PRICKLE2: variants seen among roughly 807,000 people sequenced by gnomAD.
PRICKLE2 encodes the protein prickle planar cell polarity protein 2.
A neutral mutation model predicts 81.4 loss-of-function variants in PRICKLE2; 21 were observed. That is an observed-to-expected ratio of 0.26 (90% CI 0.18 to 0.37). PRICKLE2 has a LOEUF of 0.37. Ranked by LOEUF, PRICKLE2 falls within the 10% of genes least tolerant of loss-of-function variation. The probability of loss-of-function intolerance (pLI) is 1.00; values close to 1 mark genes in which losing one functional copy is unlikely to be tolerated. For missense variants in PRICKLE2, 940 were observed against 1,109.0 expected (o/e 0.85, Z 2.16); for synonymous variants, 456 against 421.5 (o/e 1.08, Z -1.00).
chr3:64,105,049 G>C (rs116286948), intron 7 of PRICKLE2, among the ~76,000 whole-genome samples: 1 of 151,982 alleles, frequency 6.6e-6, no homozygotes, highest in Admixed American at 6.6e-5. Flanking sequence ...ACTCCTCCTC[G>C]CTTAACTCTG....
At chr3:64,122,855 T>C (rs993468203) in intron 7 of PRICKLE2, among the ~76,000 whole-genome samples, 3 of 152,078 alleles carry the variant, frequency 2.0e-5, no homozygotes, top group African/African-American at 7.2e-5. Flanking sequence ...TGGAAACTCT[T>C]CAGAAGGTCA....
At chr3:64,163,959 GC>G (rs1466277804) in intron 2 of PRICKLE2, 11 of 146,070 alleles carry the variant, frequency 7.5e-5, no homozygotes, top group Non-Finnish European at 1.6e-4. Flanking sequence ...AATCCCACAA[GC>G]CCAGATGACA....
intron 2 of PRICKLE2, among the ~76,000 whole-genome samples, chr3:64,171,480 T>C (rs2077930459): frequency 6.6e-6 from 1 of 152,242 alleles, no homozygotes; most frequent in Non-Finnish European, 1.5e-5. Flanking sequence ...ATCTGCTTTT[T>C]GTCAAAGAAC....
intron 7 of PRICKLE2, among the ~76,000 whole-genome samples, chr3:64,142,136 G>C (rs985320051): frequency 6.6e-6 from 1 of 152,096 alleles, no homozygotes; most frequent in African/African-American, 2.4e-5. Flanking sequence ...CTGCTCCAAT[G>C]AGGAATGATG....
In PRICKLE2 at chr3:64,097,369, G is replaced by A. The variant is rs938048041; in HGVS notation, c.*1682C>T. 2 of 152,400 alleles carry A rather than the reference G, an allele frequency of 1.3e-5. No individual in the cohort carries two copies. Among genetic ancestry groups the A allele is most frequent in the Admixed American group, 6.6e-5 (1 of 15,260 alleles). The allele number at this position is 152,400 out of a possible 1,614,324, so 9.4% of individuals were successfully genotyped here. ...AACTACTATACTGAAAAGAGATCAC[G>A]CTCACCTCACCATGGCAGATGGCCA... is the stretch of plus-strand genomic sequence containing the variant. On this transcript the variant is annotated 3_prime_UTR_variant, in exon 8 of 8. Coordinates refer to ENST00000638394, the MANE Select transcript of PRICKLE2 (RefSeq NM_198859.4).
chr3:64,131,747 G>GT lies in PRICKLE2; in HGVS notation c.1660+15082dup, dbSNP rs537185002. On this transcript the variant is annotated intron_variant, in intron 7 of 7. Transcript: ENST00000638394. ...TTTTTTCTTCTGTTATAAATGGAAAGTTCTCCACCCTGTACTTCTCAATGC... is the reference window on the plus strand; with the variant it reads ...TTTTTTCTTCTGTTATAAATGGAAAGTTTCTCCACCCTGTACTTCTCAATGC... Among the ~76,000 whole-genome samples, 280 of 152,292 alleles carry GT rather than the reference G, an allele frequency of 1.8e-3. 1 individual carries two copies. The highest frequency in any genetic ancestry group is 0.014 in the Middle Eastern group (4 of 294).
chr3:64,148,252 C>T (rs1302672348), intron 6 of PRICKLE2, among the ~76,000 whole-genome samples: 1 of 152,202 alleles, frequency 6.6e-6, no homozygotes, highest in Non-Finnish European at 1.5e-5. Flanking sequence ...TGCTCAAAAG[C>T]CAACTCCTCT....
intron 2 of PRICKLE2, among the ~76,000 whole-genome samples, chr3:64,253,988 T>C (rs1323051368): frequency 2.6e-5 from 4 of 152,192 alleles, no homozygotes; most frequent in African/African-American, 4.8e-5. Context: ...ATTACTAATG[T>C]AGTCTCTTTG....
intron 7 of PRICKLE2, among the ~76,000 whole-genome samples, chr3:64,141,456 A>C (rs2077360900): frequency 1.3e-5 from 2 of 152,216 alleles, no homozygotes; most frequent in African/African-American, 4.8e-5. Context: ...ACACTCAATA[A>C]TGTCAGTTGT....
chr3:64,195,176 T>C (rs1428089489), intron 2 of PRICKLE2, among the ~76,000 whole-genome samples: 1 of 152,228 alleles, frequency 6.6e-6, no homozygotes, highest in Non-Finnish European at 1.5e-5. Context: ...ACAACTTCTC[T>C]GATCAGTTTT....
chr3:64,141,443 T>C (rs983221487), intron 7 of PRICKLE2, among the ~76,000 whole-genome samples: 2 of 152,362 alleles, frequency 1.3e-5, no homozygotes, highest in Admixed American at 6.5e-5. Context: ...CCAGTCCATA[T>C]AAACACTCAA....
intron 7 of PRICKLE2, among the ~76,000 whole-genome samples, chr3:64,112,124 C>T (rs2076857798): frequency 1.3e-5 from 2 of 152,012 alleles, no homozygotes; most frequent in African/African-American, 4.8e-5. Context: ...GTTAAATTTC[C>T]TTTTGCCTTT....
At chr3:64,144,717 CT>C (rs1358578447) in intron 7 of PRICKLE2, among the ~76,000 whole-genome samples, 6 of 152,206 alleles carry the variant, frequency 3.9e-5, no homozygotes, top group Non-Finnish European at 8.8e-5. Flanking sequence ...TTTTCAATCC[CT>C]TGTGGACCGA....
intron 7 of PRICKLE2, among the ~76,000 whole-genome samples, chr3:64,136,374 G>A (rs573542299): frequency 1.1e-4 from 16 of 151,096 alleles, no homozygotes; most frequent in Non-Finnish European, 2.1e-4. Flanking sequence ...GTGTGTGTTC[G>A]AAATGCTGAT....
At chr3:64,106,776 G>A (rs1336705130) in intron 7 of PRICKLE2, among the ~76,000 whole-genome samples, 2 of 152,318 alleles carry the variant, frequency 1.3e-5, no homozygotes, top group Non-Finnish European at 2.9e-5. Flanking sequence ...GTGTCTGTGT[G>A]TGCGTGCTCA....
In PRICKLE2 at chr3:64,240,852, A is replaced by G. The variant is rs528564460; in HGVS notation, c.129-41885T>C. Among the ~76,000 whole-genome samples, 78 of 152,262 alleles carry G rather than the reference A, an allele frequency of 5.1e-4. 1 individual carries two copies. The South Asian group carries it at 0.015, about 30-fold the overall frequency. ...CACACAGGTTTCATTTGGAGAACCA[A>G]TGGTCTAAATAATCCCCAACAACTT... On this transcript the variant is annotated intron_variant, in intron 2 of 8. Coordinates refer to the PRICKLE2 transcript ENST00000295902.
intron 7 of PRICKLE2, among the ~76,000 whole-genome samples, chr3:64,120,969 G>C (rs943525701): frequency 2.0e-5 from 3 of 152,194 alleles, no homozygotes; most frequent in African/African-American, 7.2e-5. Context: ...AAAGCATAAA[G>C]ACCTTGAACA....
At chr3:64,206,957 T>TG (rs1299277730) in intron 1 of PRICKLE2, among the ~76,000 whole-genome samples, 1 of 152,204 alleles carries the variant, frequency 6.6e-6, no homozygotes, top group Non-Finnish European at 1.5e-5. Context: ...TGGAGGGCAG[T>TG]GGTGTGATCA....
At chr3:64,136,103 T>A (rs2077275007) in intron 7 of PRICKLE2, among the ~76,000 whole-genome samples, 1 of 152,170 alleles carries the variant, frequency 6.6e-6, no homozygotes, top group Admixed American at 6.5e-5. Flanking sequence ...CTTAACTTAC[T>A]AAGGTGCTAT....
Sources: allele counts gnomAD v4.1 joint callset (sites outside exome capture counted in the v4.1 genomes callset), GRCh38; gene constraint gnomAD v4.1.1; transcripts MANE v1.5; gene names NCBI Gene and HGNC (gene_info 2026-07-23, HGNC 2026-07-21).